SPDYA: variants seen among roughly 807,000 people sequenced by gnomAD.
The protein encoded by SPDYA is speedy/RINGO cell cycle regulator family member A.
A neutral mutation model predicts 36.7 loss-of-function variants in SPDYA; 11 were observed. The ratio of observed to expected loss-of-function variants is 0.30; its 90% CI spans 0.19 to 0.50. SPDYA has a LOEUF of 0.50. Among genes scored for constraint, SPDYA ranks in the 20% least tolerant of loss-of-function variants. The probability of loss-of-function intolerance (pLI) is 0.98; values close to 1 mark genes in which losing one functional copy is unlikely to be tolerated. For missense variants in SPDYA, 287 were observed against 370.9 expected (o/e 0.77, Z 1.86); for synonymous variants, 115 against 118.7 (o/e 0.97, Z 0.20).
rs1667846203 is a variant in SPDYA, at chr2:28,811,602, C to T, written c.-93+655C>T. Among the ~76,000 whole-genome samples the T allele has an allele frequency of 6.6e-6, 1 of 151,880 alleles. No homozygotes were observed. The highest frequency in any genetic ancestry group is 2.4e-5 in the African/African-American group (1 of 41,290). ...AGCCTTATGCCGAGTTGGGCGAATC[C>T]TTGAGGCCAGGATTCGAGAGCAGCC... On this transcript the variant is annotated intron_variant, in intron 1 of 7. Transcript: ENST00000334056. The surrounding 1 kb of genome is among the most constrained non-coding windows in gnomAD (Gnocchi z 4.2).
chr2:28,822,830 TCTC>T (rs972453877), intron 5 of SPDYA, among the ~76,000 whole-genome samples: 3 of 152,118 alleles, frequency 2.0e-5, no homozygotes, highest in Non-Finnish European at 2.9e-5. Context: ...ATGGTCTTGA[TCTC>T]CTGACCTCGT....
intron 6 of SPDYA, among the ~76,000 whole-genome samples, chr2:28,833,612 TG>T (rs1185150301): frequency 1.3e-5 from 2 of 152,152 alleles, no homozygotes; most frequent in East Asian, 3.8e-4. Flanking sequence ...GAAAATTCAA[TG>T]GGGAAAATGT....
At chr2:28,814,332 A>G (rs542788168) in intron 1 of SPDYA, among the ~76,000 whole-genome samples, 5 of 152,350 alleles carry the variant, frequency 3.3e-5, no homozygotes, top group African/African-American at 1.2e-4. Context: ...ATATTCATCT[A>G]AAGTAACAAA....
intron 3 of SPDYA, among the ~76,000 whole-genome samples, chr2:28,818,374 C>T (rs1392699257): frequency 6.7e-6 from 1 of 149,562 alleles, no homozygotes; most frequent in African/African-American, 2.5e-5. Flanking sequence ...GAGTCTGAAG[C>T]CAGAGGATCA....
At chr2:28,817,417 C>T (rs936714403) in intron 3 of SPDYA, among the ~76,000 whole-genome samples, 3 of 151,900 alleles carry the variant, frequency 2.0e-5, no homozygotes, top group Non-Finnish European at 4.4e-5. Flanking sequence ...TAAAATTAGC[C>T]GGGTGTGGTG....
At chr2:28,820,339 C>T (rs1408314424) in intron 4 of SPDYA, among the ~76,000 whole-genome samples, 15 of 151,928 alleles carry the variant, frequency 9.9e-5, no homozygotes, top group Non-Finnish European at 2.2e-4. Flanking sequence ...GTGATCCTAG[C>T]GCTTGGGATG....
At chr2:28,824,489 A>AC (rs1311498092) in intron 5 of SPDYA, among the ~76,000 whole-genome samples, 14 of 100,896 alleles carry the variant, frequency 1.4e-4, no homozygotes, top group Non-Finnish European at 1.9e-4. Flanking sequence ...AAAAAAAAAA[A>AC]AACAAAAAAA....
At position 28,821,488 on chromosome 2, in the gene SPDYA, A is replaced by G. The variant is rs372380908; in HGVS notation, c.295-837A>G. Among the ~76,000 whole-genome samples the G allele has an allele frequency of 1.2e-4, 18 of 152,302 alleles. No individual in the cohort carries two copies. In the South Asian group the frequency reaches 3.3e-3, roughly 28 times the overall value. On this transcript the variant is annotated intron_variant, in intron 4 of 7. Transcript: ENST00000334056. ...AGTGCTGGGATTACAGGTGTGAGCCACTGCGCCCGTCAGGAAGTTTTAAAC... is the reference window on the plus strand; with the variant it reads ...AGTGCTGGGATTACAGGTGTGAGCCGCTGCGCCCGTCAGGAAGTTTTAAAC...
At chr2:28,825,241 T>G (rs945073885) in intron 5 of SPDYA, among the ~76,000 whole-genome samples, 3 of 146,432 alleles carry the variant, frequency 2.0e-5, no homozygotes, top group African/African-American at 5.2e-5. Flanking sequence ...TTATTTTGTG[T>G]TTTTTTTTTA....
intron 7 of SPDYA, among the ~76,000 whole-genome samples, chr2:28,848,907 G>T (rs746628410): frequency 1.3e-5 from 2 of 152,028 alleles, no homozygotes; most frequent in Non-Finnish European, 2.9e-5. Context: ...TTGGCTGGGC[G>T]TGGTGGCATG....
At chr2:28,821,178 A>ATTTTTT (rs1016145776) in intron 4 of SPDYA, among the ~76,000 whole-genome samples, 2 of 130,286 alleles carry the variant, frequency 1.5e-5, no homozygotes, top group Non-Finnish European at 1.6e-5. Flanking sequence ...TTATGATGTG[A>ATTTTTT]TTTTTTTTTT....
chr2:28,817,851 C>CAA (rs70956049), intron 3 of SPDYA, among the ~76,000 whole-genome samples: 2 of 30,664 alleles, frequency 6.5e-5, no homozygotes, highest in Non-Finnish European at 1.0e-4. Context: ...GACTCTGTCT[C>CAA]AAAAAAAAAA....
chr2:28,815,939 G>A, intron 2 of SPDYA, 58 bp from the exon 3 acceptor site: 1 of 1,138,316 alleles, frequency 8.8e-7, no homozygotes. Flanking sequence ...CATCCAGTTA[G>A]TTGTTTATAT....
chr2:28,826,429 G>C (rs1668321723), intron 5 of SPDYA, among the ~76,000 whole-genome samples: 1 of 151,988 alleles, frequency 6.6e-6, no homozygotes, highest in Non-Finnish European at 1.5e-5. Flanking sequence ...GAGCCACTGA[G>C]CCTGGCCTGA....
At chr2:28,814,926 A>C (rs1379619042) in intron 2 of SPDYA, among the ~76,000 whole-genome samples, 1 of 152,228 alleles carries the variant, frequency 6.6e-6, no homozygotes, top group Non-Finnish European at 1.5e-5. Flanking sequence ...TTATGACAAC[A>C]TACATTCATA....
intron 1 of SPDYA, among the ~76,000 whole-genome samples, chr2:28,814,101 A>G (rs756547467): frequency 3.3e-5 from 5 of 152,222 alleles, no homozygotes; most frequent in Non-Finnish European, 5.9e-5. Flanking sequence ...AGATAAGTAT[A>G]TTCCTCTGCC....
At chr2:28,812,868 A>AAG (rs1322014738) in intron 1 of SPDYA, among the ~76,000 whole-genome samples, 4 of 151,528 alleles carry the variant, frequency 2.6e-5, no homozygotes, top group African/African-American at 9.7e-5. Flanking sequence ...AAAAAAAAAA[A>AAG]AAAAAAAAAA....
intron 5 of SPDYA, among the ~76,000 whole-genome samples, 165 bp from the exon 6 acceptor site, chr2:28,828,983 A>G (rs1297323762): frequency 6.6e-6 from 1 of 152,244 alleles, no homozygotes. Context: ...AGAACCCAAC[A>G]AGGTAAAATT....
chr2:28,849,548 T>A (rs1195314030), intron 7 of SPDYA, among the ~76,000 whole-genome samples: 1 of 152,248 alleles, frequency 6.6e-6, no homozygotes, highest in Non-Finnish European at 1.5e-5. Context: ...TGCCTTGGCC[T>A]CCCAAAGGCG....
Sources: allele counts gnomAD v4.1 joint callset (sites outside exome capture counted in the v4.1 genomes callset), GRCh38; gene constraint gnomAD v4.1.1; non-coding constraint Gnocchi (gnomAD v3.1); transcripts MANE v1.5; gene names NCBI Gene and HGNC (gene_info 2026-07-23, HGNC 2026-07-21).